IL23A: variants seen among roughly 807,000 people sequenced by gnomAD.
The protein encoded by IL23A is interleukin-23 subunit alpha.
Under a neutral mutation model 20.7 loss-of-function variants are expected in IL23A, and 16 were observed. That is an observed-to-expected ratio of 0.77 (90% CI 0.52 to 1.17). The LOEUF (loss-of-function observed/expected upper bound fraction) is 1.17. Ranked by LOEUF, IL23A falls within the 50% of genes most tolerant of loss-of-function variation. The pLI, the probability that IL23A is intolerant of heterozygous loss-of-function variation, is 0.00. For synonymous variants in IL23A, 80 were observed against 88.7 expected (o/e 0.90, Z 0.55); for missense variants, 175 against 229.5 (o/e 0.76, Z 1.53).
In IL23A at chr12:56,339,462, G is replaced by A. The variant is rs150940553; in HGVS notation, c.199G>A (p.Asp67Asn). ...AGAGGGAGATGAAGAGACTACAAAT[G>A]ATGTTCCCCATATCCAGTGTGGAGA... ...REEGDEETTN[D>N]VPHIQCGDGC... is the part of the protein sequence containing the mutation. The change falls in exon 2 of 4, where the codon GAT becomes AAT. Residue 67 changes from aspartate to asparagine, a missense_variant. Physicochemically the swap from Asp to Asn is conservative, Grantham distance 23 (BLOSUM62 1). Coordinates refer to ENST00000228534, the MANE Select transcript of IL23A (RefSeq NM_016584.3). The A allele has an allele frequency of 3.7e-6, 6 of 1,612,374 alleles. No individual in the cohort carries two copies. Among genetic ancestry groups the A allele is most frequent in the African/African-American group, 1.3e-5 (1 of 74,872 alleles).
chr12:56,339,337 C>A, intron 1 of IL23A, 89 bp from the exon 2 acceptor site: 1 of 1,370,904 alleles, frequency 7.3e-7, no homozygotes, highest in Non-Finnish European at 1.0e-6. Flanking sequence ...GAGTAGGGTT[C>A]CTGGGAGAGT....
At position 56,340,040 on chromosome 12, in the gene IL23A, T is replaced by C. The variant is rs201225001; in HGVS notation, c.506T>C (p.Leu169Pro). The change falls in exon 4 of 4, where the codon CTC becomes CCC. Residue 169 changes from leucine (L) to proline (P), a missense_variant. Physicochemically the swap from Leu to Pro is moderately conservative, Grantham distance 98 (BLOSUM62 -3). Transcript: ENST00000228534. Reference sequence around the variant, plus strand: ...CTCCGCTTCAAAATCCTTCGCAGCCTCCAGGCCTTTGTGGCTGTAGCCGCC... The same window carrying C: ...CTCCGCTTCAAAATCCTTCGCAGCCCCCAGGCCTTTGTGGCTGTAGCCGCC... The part of the protein sequence containing the change: ...LLLRFKILRS[L>P]QAFVAVAARV... The C allele has an allele frequency of 8.7e-6, 14 of 1,614,066 alleles. No individual in the cohort carries two copies. The highest frequency in any genetic ancestry group is 2.7e-5 in the African/African-American group (2 of 74,922).
In IL23A at chr12:56,339,191, A is replaced by G; in HGVS notation, c.147A>G (p.Pro49=). ...GCACACTGGCCTGGAGTGCACATCC[A>G]CTAGTGGGACACATGGTGAGTGGCA... ...KLCTLAWSAH[P]LVGHMDLREE... The change falls in exon 1 of 4, where the codon CCA becomes CCG. Residue 49 remains proline, a synonymous_variant. Transcript: ENST00000228534. 6.5e-7 allele frequency: 1 copy of G among 1,540,090 alleles called. No homozygotes were observed.
At position 56,340,187 on chromosome 12, in the gene IL23A, C is replaced by T; in HGVS notation, c.*83C>T. 6 of 1,405,668 alleles carry T rather than the reference C, an allele frequency of 4.3e-6. No individual in the cohort carries two copies. The highest frequency in any genetic ancestry group is 5.9e-6 in the Non-Finnish European group (6 of 1,024,860). The allele number at this position is 1,405,668 out of a possible 1,614,324, so 87.1% of individuals were successfully genotyped here. A position where few individuals can be genotyped will look rare whatever the true frequency, so the allele number is the denominator to read the frequency against. On this transcript the variant is annotated 3_prime_UTR_variant, in exon 4 of 4. Coordinates refer to ENST00000228534, the MANE Select transcript of IL23A (RefSeq NM_016584.3). The stretch of plus-strand genomic sequence containing the variant: ...TCTACCACCCCAGGCACCTGTGAGC[C>T]AACAGGTTAATTAGTCCATTAATTT...
At chr12:56,339,269 G>A (rs1313283653) in intron 1 of IL23A, 63 bp downstream of exon 1, 5 of 1,500,134 alleles carry the variant, frequency 3.3e-6, no homozygotes, top group Non-Finnish European at 4.5e-6. Context: ...GCAGAAGACC[G>A]TGACCTTGAG....
Position 56,339,028 on chromosome 12 carries a change from G to C in IL23A, c.-17G>C, listed in dbSNP as rs755415353. ...GCAAGGCGCAGAGCCAGCCAGATTT[G>C]AGAAGAAGGCAAAAAGATGCTGGGG... On this transcript the variant is annotated 5_prime_UTR_variant, in exon 1 of 4. Transcript: ENST00000228534. 2.2e-6 allele frequency: 3 copies of C among 1,375,170 alleles called. No individual in the cohort carries two copies. In the East Asian group the frequency reaches 7.7e-5, roughly 35 times the overall value. The allele number at this position is 1,375,170 out of a possible 1,614,324, so 85.2% of individuals were successfully genotyped here. A position where few individuals can be genotyped will look rare whatever the true frequency, so the allele number is the denominator to read the frequency against.
intron 3 of IL23A, 33 bp from the exon 4 acceptor site, chr12:56,339,910 A>G: frequency 6.2e-7 from 1 of 1,613,132 alleles, no homozygotes; most frequent in South Asian, 1.1e-5. Flanking sequence ...AAGGGTTTAG[A>G]GTCTTCTCTG....
rs767894389 is a variant in IL23A, at chr12:56,339,687, C to T, written c.262-4C>T. 5 of 1,613,278 alleles carry T rather than the reference C, an allele frequency of 3.1e-6. No individual in the cohort carries two copies. In the South Asian group the frequency reaches 5.5e-5, roughly 18 times the overall value. On this transcript the variant is annotated splice_polypyrimidine_tract_variant and splice_region_variant and intron_variant, in intron 2 of 3. Transcript: ENST00000228534. The stretch of plus-strand genomic sequence containing the variant: ...CCTCTTTCATTGCTTTCTTTTCTCC[C>T]TAGTTCTGCTTGCAAAGGATCCACC...
At position 56,339,699 on chromosome 12, in the gene IL23A, G is replaced by C. The variant is rs760965618; in HGVS notation, c.270G>C (p.Leu90Phe). ...CTTTCTTTTCTCCCTAGTTCTGCTT[G>C]CAAAGGATCCACCAGGGTCTGATTT... is the stretch of plus-strand genomic sequence containing the variant. ...QGLRDNSQFC[L>F]QRIHQGLIFY... Residue 90 changes from leucine to phenylalanine, a missense_variant, in exon 3 of 4, where the codon TTG becomes TTC. Coordinates refer to ENST00000228534, the MANE Select transcript of IL23A (RefSeq NM_016584.3). 1.2e-6 allele frequency: 2 copies of C among 1,613,760 alleles called. No individual in the cohort carries two copies. Among genetic ancestry groups the C allele is most frequent in the South Asian group, 2.2e-5 (2 of 91,048 alleles).
chr12:56,339,767 C>T lies in IL23A; in HGVS notation c.338C>T (p.Pro113Leu), dbSNP rs200708303. The change falls in exon 3 of 4, where the codon CCT (proline) becomes CTT (leucine). Residue 113 changes from proline to leucine, a missense_variant. Physicochemically the swap from Pro to Leu is moderately conservative, Grantham distance 98. Coordinates refer to ENST00000228534, the MANE Select transcript of IL23A (RefSeq NM_016584.3). ...LLGSDIFTGE[P>L]SLLPDSPVGQ... Reference sequence around the variant, plus strand: ...GGATCGGATATTTTCACAGGGGAGCCTTCTCTGCTCCCTGATAGCCCTGTG... The same window carrying T: ...GGATCGGATATTTTCACAGGGGAGCTTTCTCTGCTCCCTGATAGCCCTGTG... 65 of 1,613,760 alleles carry T rather than the reference C, an allele frequency of 4.0e-5. 1 individual carries two copies. The highest frequency in any genetic ancestry group is 5.4e-5 in the Non-Finnish European group (64 of 1,179,820).
chr12:56,339,620 A>T, intron 2 of IL23A, 71 bp from the exon 3 acceptor site: 1 of 1,603,770 alleles, frequency 6.2e-7, no homozygotes. Flanking sequence ...AAATAGTAAG[A>T]AACTGGGTGA....
chr12:56,339,757 A>G lies in IL23A; in HGVS notation c.328A>G (p.Thr110Ala). Residue 110 changes from threonine to alanine, a missense_variant, in exon 3 of 4, where the codon ACA becomes GCA. Thr to Ala is a moderately conservative substitution (Grantham distance 58). Coordinates refer to ENST00000228534, the MANE Select transcript of IL23A (RefSeq NM_016584.3). ...YEKLLGSDIFTGEPSLLPDSP... is the reference protein window; with the variant it reads ...YEKLLGSDIFAGEPSLLPDSP... ...GAAGCTGCTAGGATCGGATATTTTC[A>G]CAGGGGAGCCTTCTCTGCTCCCTGA... The G allele has an allele frequency of 1.9e-6, 3 of 1,614,070 alleles. No individual in the cohort carries two copies. Among genetic ancestry groups the G allele is most frequent in the Non-Finnish European group, 2.5e-6 (3 of 1,179,998 alleles).
intron 2 of IL23A, 26 bp from the exon 3 acceptor site, chr12:56,339,665 C>G: frequency 6.2e-7 from 1 of 1,610,854 alleles, no homozygotes; most frequent in Non-Finnish European, 8.5e-7. Context: ...AGGGTGTCCT[C>G]TTTCATTGCT....
rs774799160 is a variant in IL23A, at chr12:56,339,675, T to C, written c.262-16T>C. On this transcript the variant is annotated splice_polypyrimidine_tract_variant and intron_variant, in intron 2 of 3. Transcript: ENST00000228534. ...GGAAGAGGGTGTCCTCTTTCATTGC[T>C]TTCTTTTCTCCCTAGTTCTGCTTGC... The C allele has an allele frequency of 2.5e-6, 4 of 1,611,712 alleles. No homozygotes were observed. The South Asian group carries it at 3.3e-5, about 13-fold the overall frequency.
At chr12:56,339,322 C>G (rs1001440858) in intron 1 of IL23A, 104 bp from the exon 2 acceptor site, 25 of 1,379,698 alleles carry the variant, frequency 1.8e-5, no homozygotes, top group Non-Finnish European at 2.3e-5. Flanking sequence ...TAAGAGAGGA[C>G]AAGAGAGTAG....
chr12:56,340,173 A>C lies in IL23A; in HGVS notation c.*69A>C, dbSNP rs996561530. The C allele has an allele frequency of 6.6e-7, 1 of 1,524,362 alleles. No homozygotes were observed. Among genetic ancestry groups the C allele is most frequent in the Admixed American group, 1.9e-5 (1 of 51,626 alleles). The allele number at this position is 1,524,362 out of a possible 1,614,324, so 94.4% of individuals were successfully genotyped here. A position where few individuals can be genotyped will look rare whatever the true frequency, so the allele number is the denominator to read the frequency against. ...AAGGCCAAGATAAATCTACCACCCC[A>C]GGCACCTGTGAGCCAACAGGTTAAT... On this transcript the variant is annotated 3_prime_UTR_variant, in exon 4 of 4. Coordinates refer to ENST00000228534, the MANE Select transcript of IL23A (RefSeq NM_016584.3).
chr12:56,339,464 T>C lies in IL23A; in HGVS notation c.201T>C (p.Asp67=), dbSNP rs1592456837. The C allele has an allele frequency of 2.5e-6, 4 of 1,612,504 alleles. No homozygotes were observed. The highest frequency in any genetic ancestry group is 1.7e-5 in the Admixed American group (1 of 60,008). ...REEGDEETTN[D]VPHIQCGDGC... is the part of the protein sequence containing the mutation. ...AGGGAGATGAAGAGACTACAAATGATGTTCCCCATATCCAGTGTGGAGATG... is the reference window on the plus strand; with the variant it reads ...AGGGAGATGAAGAGACTACAAATGACGTTCCCCATATCCAGTGTGGAGATG... Residue 67 remains aspartate, a synonymous_variant, in exon 2 of 4, where the codon GAT becomes GAC. Coordinates refer to ENST00000228534, the MANE Select transcript of IL23A (RefSeq NM_016584.3).
In IL23A at chr12:56,340,011, C is replaced by T. The variant is rs896718810; in HGVS notation, c.477C>T (p.Leu159=). 6.2e-7 allele frequency: 1 copy of T among 1,614,206 alleles called. No homozygotes were observed. Among genetic ancestry groups the T allele is most frequent in the Non-Finnish European group, 8.5e-7 (1 of 1,180,032 alleles). The change falls in exon 4 of 4, where the codon CTC becomes CTT. Residue 159 remains leucine, a synonymous_variant. Coordinates refer to ENST00000228534, the MANE Select transcript of IL23A (RefSeq NM_016584.3). Reference sequence around the variant, plus strand: ...GTCCCAGCCAGCCATGGCAGCGTCTCCTTCTCCGCTTCAAAATCCTTCGCA... The same window carrying T: ...GTCCCAGCCAGCCATGGCAGCGTCTTCTTCTCCGCTTCAAAATCCTTCGCA... ...SLSPSQPWQR[L]LLRFKILRSL... is the part of the protein sequence containing the mutation.
At position 56,339,930 on chromosome 12, in the gene IL23A, T is replaced by C; in HGVS notation, c.409-13T>C. The C allele has an allele frequency of 6.2e-7, 1 of 1,614,096 alleles. No individual in the cohort carries two copies. The highest frequency in any genetic ancestry group is 8.5e-7 in the Non-Finnish European group (1 of 1,179,994). Reference sequence around the variant, plus strand: ...TTTAGAGTCTTCTCTGACTGTGTCCTATGTCCTTTCAGCCTGAGGGTCACC... The same window carrying C: ...TTTAGAGTCTTCTCTGACTGTGTCCCATGTCCTTTCAGCCTGAGGGTCACC... On this transcript the variant is annotated splice_polypyrimidine_tract_variant and intron_variant, in intron 3 of 3. Coordinates refer to ENST00000228534, the MANE Select transcript of IL23A (RefSeq NM_016584.3).
Sources: allele counts gnomAD v4.1 joint callset, GRCh38; gene constraint gnomAD v4.1.1; transcripts MANE v1.5; gene names NCBI Gene and HGNC (gene_info 2026-07-23, HGNC 2026-07-21).